The following MAP3K5 variants were observed in gnomAD, a reference collection of about 807,000 sequenced individuals.
MAP3K5 encodes the protein mitogen-activated protein kinase kinase kinase 5.
A neutral mutation model predicts 158.7 loss-of-function variants in MAP3K5; 56 were observed. The observed-to-expected ratio is 0.35, with a 90% confidence interval of 0.28 to 0.44. The LOEUF (loss-of-function observed/expected upper bound fraction) is 0.44, where lower values mean the gene tolerates loss of function less well. MAP3K5 is among the 20% of genes least tolerant of loss of function. The pLI, the probability that MAP3K5 is intolerant of heterozygous loss-of-function variation, is 1.00. For synonymous variants in MAP3K5, 579 were observed against 601.7 expected, an observed-to-expected ratio of 0.96 and a Z score of 0.55; for missense variants, 1,294 against 1,674.8, an observed-to-expected ratio of 0.77 and a Z score of 3.97.
rs1420323667 is a variant in MAP3K5 at position 136,659,135 on chromosome 6, CTAAT to C, written c.1526+80_1526+83del. ...TTATTTTATAAGCAAATAAAATCAT[CTAAT>C]TGTCAGTTCAATAAATATAATATGG... On this transcript the variant is annotated intron_variant, in intron 9 of 29. Coordinates refer to ENST00000359015, the MANE Select transcript of MAP3K5 (RefSeq NM_005923.4). The C allele has an allele frequency of 5.7e-5, 68 of 1,184,322 alleles. 1 individual carries two copies. Among genetic ancestry groups the C allele is most frequent in the Non-Finnish European group, 6.7e-5 (56 of 836,852 alleles). The allele number at this position is 1,184,322 out of a possible 1,614,324, so 73.4% of individuals were successfully genotyped here.
chr6:136,763,695 G>C (rs993369085), intron 1 of MAP3K5, among the ~76,000 whole-genome samples: 1 of 152,154 alleles, frequency 6.6e-6, no homozygotes, highest in African/African-American at 2.4e-5. Flanking sequence ...CAGGCACAGA[G>C]CTACTGCTGT....
intron 25 of MAP3K5, among the ~76,000 whole-genome samples, chr6:136,575,972 T>C (rs576606078): frequency 1.9e-4 from 29 of 152,360 alleles, no homozygotes; most frequent in African/African-American, 2.6e-4. Context: ...TTAGCAGTCA[T>C]TGATGGTCCT....
chr6:136,656,839 C>G (rs1778773666), intron 9 of MAP3K5, among the ~76,000 whole-genome samples: 1 of 152,154 alleles, frequency 6.6e-6, no homozygotes, highest in South Asian at 2.1e-4. Flanking sequence ...CCAGGCTGGT[C>G]TCGAACTCCT....
At chr6:136,722,464 A>G (rs1450469144) in intron 1 of MAP3K5, among the ~76,000 whole-genome samples, 1 of 152,164 alleles carries the variant, frequency 6.6e-6, no homozygotes, top group Non-Finnish European at 1.5e-5. Context: ...TATAGACATC[A>G]ACAAGCAAAT....
intron 6 of MAP3K5, among the ~76,000 whole-genome samples, chr6:136,694,599 A>C (rs1469955227): frequency 3.3e-5 from 5 of 152,190 alleles, no homozygotes; most frequent in Admixed American, 6.5e-5. Flanking sequence ...CCTGCAGCCT[A>C]TATGCAGGTT....
intron 1 of MAP3K5, among the ~76,000 whole-genome samples, chr6:136,759,454 C>CCATATA (rs1783641626): frequency 1.0e-5 from 1 of 98,126 alleles, no homozygotes; most frequent in Non-Finnish European, 2.1e-5. Context: ...TATACTAAAA[C>CCATATA]TATATATATA....
intron 18 of MAP3K5, among the ~76,000 whole-genome samples, chr6:136,605,607 G>T (rs1184205276): frequency 6.6e-6 from 1 of 152,146 alleles, no homozygotes; most frequent in Non-Finnish European, 1.5e-5. Context: ...GTTATGAATA[G>T]GTACGCTCTT....
chr6:136,573,146 TA>T (rs1774445894), intron 25 of MAP3K5, among the ~76,000 whole-genome samples: 1 of 152,318 alleles, frequency 6.6e-6, no homozygotes, highest in South Asian at 2.1e-4. Flanking sequence ...ATGCACTTAA[TA>T]AAGAAGATGG....
chr6:136,777,087 T>C (rs1229409378), intron 1 of MAP3K5, among the ~76,000 whole-genome samples: 1 of 152,244 alleles, frequency 6.6e-6, no homozygotes, highest in African/African-American at 2.4e-5. Context: ...AAAATATTGG[T>C]AGCACTGAGT....
At chr6:136,706,414 C>T (rs1781080158) in intron 2 of MAP3K5, among the ~76,000 whole-genome samples, 1 of 152,168 alleles carries the variant, frequency 6.6e-6, no homozygotes, top group Non-Finnish European at 1.5e-5. Flanking sequence ...ATTGTTATTC[C>T]TATACCTCAC....
rs1776449124 is a variant in MAP3K5 at position 136,613,902 on chromosome 6, C to T, written c.2278+257G>A. Among the ~76,000 whole-genome samples, 2 of 152,102 alleles carry T rather than the reference C, an allele frequency of 1.3e-5. No individual in the cohort carries two copies. Among genetic ancestry groups the T allele is most frequent in the African/African-American group, 4.8e-5 (2 of 41,428 alleles). On this transcript the variant is annotated intron_variant, in intron 16 of 29. Transcript: ENST00000359015. The surrounding 1 kb of genome is among the most constrained non-coding windows in gnomAD (Gnocchi z 4.0). Reference sequence around the variant, plus strand: ...AACTTCCTCACTTTGGAACACTGGCCCATTCTTTTGGAGTCTGTGTTTCCT... The same window carrying T: ...AACTTCCTCACTTTGGAACACTGGCTCATTCTTTTGGAGTCTGTGTTTCCT...
chr6:136,783,473 T>G (rs1784705875), intron 1 of MAP3K5, among the ~76,000 whole-genome samples: 1 of 152,176 alleles, frequency 6.6e-6, no homozygotes, highest in South Asian at 2.1e-4. Flanking sequence ...ATATCCAAAT[T>G]ACAGGAAGAT....
intron 5 of MAP3K5, 125 bp downstream of exon 5, chr6:136,697,094 G>C (rs1780632045): frequency 3.2e-6 from 2 of 630,560 alleles, no homozygotes; most frequent in Non-Finnish European, 5.1e-6. Context: ...AAGCTTAAGA[G>C]AGTCAATAAA....
At chr6:136,785,845 C>T (rs1436988071) in intron 1 of MAP3K5, among the ~76,000 whole-genome samples, 1 of 152,132 alleles carries the variant, frequency 6.6e-6, no homozygotes, top group South Asian at 2.1e-4. Flanking sequence ...TTTTAGGTTT[C>T]AGAAACAGAA....
intron 8 of MAP3K5, 125 bp from the exon 9 acceptor site, chr6:136,659,503 C>T: frequency 1.1e-6 from 1 of 879,098 alleles, no homozygotes. Context: ...TGTTAAGTTT[C>T]TGATTATTAA....
At chr6:136,699,110 T>A (rs1490548883) in intron 3 of MAP3K5, among the ~76,000 whole-genome samples, 1 of 152,082 alleles carries the variant, frequency 6.6e-6, no homozygotes, top group Non-Finnish European at 1.5e-5. Flanking sequence ...CGCAAGTAGA[T>A]CCCGCTCAAA....
At chr6:136,590,636 G>A (rs755793335) in intron 23 of MAP3K5, among the ~76,000 whole-genome samples, 5 of 151,810 alleles carry the variant, frequency 3.3e-5, no homozygotes, top group African/African-American at 7.3e-5. Flanking sequence ...CGCCTCCAGG[G>A]TTCACGCCAT....
At chr6:136,690,840 C>T (rs116301866) in intron 7 of MAP3K5, among the ~76,000 whole-genome samples, 2,028 of 151,982 alleles carry the variant, frequency 0.013, 48 homozygotes, top group African/African-American at 0.047. Context: ...GTTTTATTTC[C>T]CTTCAGCCTA....
chr6:136,759,251 T>C (rs1385981941), intron 1 of MAP3K5, among the ~76,000 whole-genome samples: 1 of 151,912 alleles, frequency 6.6e-6, no homozygotes, highest in Non-Finnish European at 1.5e-5. Flanking sequence ...AAAATATTTA[T>C]TGACTAAGTA....
Sources: allele counts gnomAD v4.1 joint callset (sites outside exome capture counted in the v4.1 genomes callset), GRCh38; gene constraint gnomAD v4.1.1; non-coding constraint Gnocchi (gnomAD v3.1); transcripts MANE v1.5; gene names NCBI Gene and HGNC (gene_info 2026-07-23, HGNC 2026-07-21).